Variants in RARB observed in about 807,000 individuals in gnomAD.
The protein encoded by RARB is retinoic acid receptor beta.
Under a neutral mutation model 51.9 loss-of-function variants are expected in RARB, and 17 were observed. The observed-to-expected ratio is 0.33, with a 90% CI of 0.22 to 0.49. The LOEUF (loss-of-function observed/expected upper bound fraction) is 0.49, where lower values mean the gene tolerates loss of function less well. Ranked by LOEUF, RARB falls within the 20% of genes least tolerant of loss-of-function variation. The pLI is 0.99. For synonymous variants in RARB, 215 were observed against 195.4 expected (o/e 1.10, Z -0.84); for missense variants, 369 against 550.8 (o/e 0.67, Z 3.30).
intron 2 of RARB, among the ~76,000 whole-genome samples, chr3:24,974,649 TAAATC>T (rs1696472062): frequency 1.3e-5 from 2 of 152,112 alleles, no homozygotes; most frequent in Admixed American, 6.6e-5. Context: ...CCTAATATAG[TAAATC>T]AAATCAATAT....
chr3:24,845,753 G>GC (rs997088240), intron 1 of RARB, among the ~76,000 whole-genome samples: 4 of 151,616 alleles, frequency 2.6e-5, no homozygotes, highest in African/African-American at 7.3e-5. Flanking sequence ...GCAGCAGATA[G>GC]CCCCCCTCCA....
At chr3:24,860,843 G>A (rs1382152823) in intron 2 of RARB, among the ~76,000 whole-genome samples, 2 of 152,118 alleles carry the variant, frequency 1.3e-5, no homozygotes, top group African/African-American at 2.4e-5. Context: ...AAGAGGAATT[G>A]AACTACATGA....
intron 2 of RARB, among the ~76,000 whole-genome samples, chr3:24,918,962 AAG>A (rs1384106385): frequency 1.3e-5 from 2 of 152,138 alleles, no homozygotes; most frequent in African/African-American, 4.8e-5. Context: ...TTTTGTGGGT[AAG>A]AGAACTGAAT....
chr3:25,045,510 T>C (rs1217659662), intron 2 of RARB, among the ~76,000 whole-genome samples: 1 of 152,244 alleles, frequency 6.6e-6, no homozygotes, highest in Admixed American at 6.5e-5. Flanking sequence ...TTTCTGTGTG[T>C]TCATTGTTTG....
chr3:25,517,670 G>A (rs1698228821), intron 3 of RARB, among the ~76,000 whole-genome samples: 2 of 151,642 alleles, frequency 1.3e-5, no homozygotes, highest in South Asian at 2.1e-4. Flanking sequence ...ATAAAAACAT[G>A]TATCTACACA....
chr3:24,943,045 C>T (rs1695701274), intron 2 of RARB, among the ~76,000 whole-genome samples: 1 of 152,184 alleles, frequency 6.6e-6, no homozygotes, highest in Non-Finnish European at 1.5e-5. Context: ...CAAAGAAAGA[C>T]TGGCCACTGT....
chr3:24,966,205 C>T (rs997246429), intron 2 of RARB, among the ~76,000 whole-genome samples: 14 of 151,426 alleles, frequency 9.2e-5, no homozygotes, highest in Admixed American at 8.5e-4. Context: ...AGAGAGTGGA[C>T]ATGTAACTAT....
At chr3:25,302,820 G>A (rs935782282) in intron 5 of RARB, among the ~76,000 whole-genome samples, 1 of 152,188 alleles carries the variant, frequency 6.6e-6, no homozygotes, top group Non-Finnish European at 1.5e-5. Context: ...TGCCCCCATG[G>A]AAATCAAACA....
intron 3 of RARB, among the ~76,000 whole-genome samples, chr3:25,126,942 T>C (rs1483935871): frequency 6.6e-6 from 1 of 152,120 alleles, no homozygotes; most frequent in East Asian, 1.9e-4. Context: ...TCAATGCAAC[T>C]TCCATCAAAT....
chr3:25,004,750 G>A (rs1407430090), intron 2 of RARB, among the ~76,000 whole-genome samples: 1 of 152,122 alleles, frequency 6.6e-6, no homozygotes, highest in Admixed American at 6.6e-5. Flanking sequence ...CAAATTTTGA[G>A]ATGGTAAATG....
chr3:25,080,067 CTG>C (rs1698963009), intron 3 of RARB, among the ~76,000 whole-genome samples: 1 of 152,186 alleles, frequency 6.6e-6, no homozygotes, highest in Non-Finnish European at 1.5e-5. Flanking sequence ...CAAACAAACT[CTG>C]CAGTCATTAA....
chr3:25,244,847 G>A (rs1702519229), intron 5 of RARB, among the ~76,000 whole-genome samples: 1 of 152,172 alleles, frequency 6.6e-6, no homozygotes, highest in Non-Finnish European at 1.5e-5. Flanking sequence ...CCAGAGCTGA[G>A]TTCAAGTCCC....
At chr3:25,330,724 G>C (rs1346592695) in intron 5 of RARB, among the ~76,000 whole-genome samples, 1 of 152,130 alleles carries the variant, frequency 6.6e-6, no homozygotes, top group Non-Finnish European at 1.5e-5. Context: ...CTGGCAAATT[G>C]GATAAAGAGT....
chr3:24,910,650 A>G (rs937561292), intron 2 of RARB, among the ~76,000 whole-genome samples: 2 of 152,116 alleles, frequency 1.3e-5, no homozygotes, highest in Admixed American at 6.5e-5. Context: ...TTTTCTCAAT[A>G]TTGAATTTGG....
intron 5 of RARB, among the ~76,000 whole-genome samples, chr3:25,222,074 T>G (rs1289796811): frequency 6.6e-6 from 1 of 152,228 alleles, no homozygotes; most frequent in East Asian, 1.9e-4. Flanking sequence ...TACTTGGTAA[T>G]ACATCACTGG....
chr3:24,865,000 T>C (rs553030288), intron 2 of RARB, among the ~76,000 whole-genome samples: 41 of 152,298 alleles, frequency 2.7e-4, no homozygotes, highest in African/African-American at 9.6e-4. Context: ...CCTAAATAGG[T>C]ATTAAATCTC....
At chr3:25,357,749 C>T (rs1462175352) in intron 5 of RARB, among the ~76,000 whole-genome samples, 2 of 152,172 alleles carry the variant, frequency 1.3e-5, no homozygotes, top group Admixed American at 1.3e-4. Context: ...GTTTTCCCAA[C>T]AATGCTTATT....
At chr3:25,350,931 C>T (rs533207964) in intron 5 of RARB, among the ~76,000 whole-genome samples, 35 of 152,286 alleles carry the variant, frequency 2.3e-4, no homozygotes, top group African/African-American at 8.2e-4. Flanking sequence ...CAATGGACAT[C>T]AATCATGGGG....
intron 5 of RARB, among the ~76,000 whole-genome samples, chr3:25,343,284 G>C (rs931161546): frequency 2.0e-5 from 3 of 152,020 alleles, no homozygotes; most frequent in South Asian, 2.1e-4. Context: ...GTTGCTCTCA[G>C]TTTCTCTGGT....
Sources: allele counts gnomAD v4.1 joint callset (sites outside exome capture counted in the v4.1 genomes callset), GRCh38; gene constraint gnomAD v4.1.1; transcripts MANE v1.5; gene names NCBI Gene and HGNC (gene_info 2026-07-23, HGNC 2026-07-21).